Variants in C14orf39 observed in about 807,000 individuals in gnomAD.
C14orf39 encodes the protein protein SIX6OS1.
In C14orf39, 66 loss-of-function variants were observed where a neutral mutation model predicts 85.6. The observed-to-expected ratio is 0.77, with a 90% CI of 0.63 to 0.95. The LOEUF is 0.95. Ranked by LOEUF, C14orf39 falls within the 40% of genes least tolerant of loss-of-function variation. The pLI is 0.00. For synonymous variants in C14orf39, 242 were observed against 214.0 expected (o/e 1.13, Z -1.14); for missense variants, 735 against 663.9 (o/e 1.11, Z -1.18).
chr14:60,494,790 T>G (rs779740257), intron 2 of C14orf39: 1 of 152,476 alleles, frequency 6.6e-6, no homozygotes, highest in Non-Finnish European at 1.5e-5. Context: ...GAAGCCATCA[T>G]GTAGTTAGAG....
chr14:60,464,000 A>C (rs1891659699), intron 11 of C14orf39, among the ~76,000 whole-genome samples: 1 of 152,122 alleles, frequency 6.6e-6, no homozygotes, highest in Non-Finnish European at 1.5e-5. Context: ...AAACAAACAA[A>C]AAACCCTGTT....
rs181485800 is a variant in C14orf39 at position 60,483,041 on chromosome 14, T to C, written c.233+650A>G. On this transcript the variant is annotated intron_variant, in intron 4 of 17. Coordinates refer to ENST00000321731, the MANE Select transcript of C14orf39 (RefSeq NM_174978.3). ...CTATTTGCACCATATATGTGTATATTGCTTGAACATTTGTATTTGGTATAT... is the reference window on the plus strand; with the variant it reads ...CTATTTGCACCATATATGTGTATATCGCTTGAACATTTGTATTTGGTATAT... 3.6e-3 allele frequency among the ~76,000 whole-genome samples: 543 copies of C among 152,220 alleles called. 4 individuals are homozygous for C. The highest frequency in any genetic ancestry group is 0.012 in the African/African-American group (502 of 41,542).
At chr14:60,499,549 A>C (rs1893110923) in intron 1 of C14orf39, 1 of 152,240 alleles carries the variant, frequency 6.6e-6, no homozygotes, top group African/African-American at 2.4e-5. Flanking sequence ...TAAATCCAGA[A>C]GTATTAAGCA....
chr14:60,511,319 G>T lies in C14orf39; in HGVS notation c.-144+4076C>A, dbSNP rs546754462. On this transcript the variant is annotated intron_variant, in intron 1 of 5. Transcript: ENST00000556799. ...AACGAGAAAAACAAAATGAAAGAGG[G>T]GAAGAAGATGAGAGACCTGCAAATC... 92 of 1,539,326 alleles carry T rather than the reference G, an allele frequency of 6.0e-5. No homozygotes were observed. The African/African-American group carries it at 1.2e-3, about 20-fold the overall frequency.
At position 60,515,434 on chromosome 14, in the gene C14orf39, G is replaced by A. The variant is rs1021221875; in HGVS notation, c.-183C>T. ...GCCCCGCGAACTCGCGGACGTGTAG[G>A]CCTCGAGCCACTCCTACTGTTGGGC... On this transcript the variant is annotated 5_prime_UTR_variant, in exon 1 of 6. Transcript: ENST00000556799. The surrounding 1 kb of genome is among the most constrained non-coding windows in gnomAD (Gnocchi z 6.2). 2 of 151,970 alleles carry A rather than the reference G, an allele frequency of 1.3e-5. No individual in the cohort carries two copies. The highest frequency in any genetic ancestry group is 2.9e-5 in the Non-Finnish European group (2 of 67,986). 9.4% of individuals were successfully genotyped at this position (151,970 alleles called of 1,614,324 possible). A position where few individuals can be genotyped will look rare whatever the true frequency, so the allele number is the denominator to read the frequency against.
chr14:60,438,778 T>C (rs919918067), intron 17 of C14orf39, among the ~76,000 whole-genome samples: 1 of 152,000 alleles, frequency 6.6e-6, no homozygotes, highest in Non-Finnish European at 1.5e-5. Flanking sequence ...TAGAAAGAGA[T>C]AGAAGTTGGG....
chr14:60,463,923 G>C (rs1460791637), intron 11 of C14orf39, among the ~76,000 whole-genome samples: 1 of 152,058 alleles, frequency 6.6e-6, no homozygotes, highest in Non-Finnish European at 1.5e-5. Context: ...CTCTGTGGCA[G>C]AAACTGCCAT....
rs138008996 is a variant in C14orf39, at chr14:60,508,108, C to G, written c.-144+7287G>C. Reference sequence around the variant, plus strand: ...GGCTTAGGAAGTGCTTTCTGGGCCCCCGCATTGTCGTGGATGCCCTTCTGT... The same window carrying G: ...GGCTTAGGAAGTGCTTTCTGGGCCCGCGCATTGTCGTGGATGCCCTTCTGT... On this transcript the variant is annotated intron_variant, in intron 1 of 5. Transcript: ENST00000556799. Among the ~76,000 whole-genome samples the G allele has an allele frequency of 3.4e-3, 524 of 152,242 alleles. 3 individuals carry two copies. The highest frequency in any genetic ancestry group is 0.012 in the African/African-American group (489 of 41,538).
Position 60,461,375 on chromosome 14 carries a change from A to G in C14orf39, c.1096T>C (p.Trp366Arg). ...ATACCTTTATCCCCTTTTTCCGACCACTGATTGGAATTTGATTGTTTCTGT... is the reference window on the plus strand; with the variant it reads ...ATACCTTTATCCCCTTTTTCCGACCGCTGATTGGAATTTGATTGTTTCTGT... ...TPQKQSNSNQWSEKGDKDAEY... is the reference protein window; with the variant it reads ...TPQKQSNSNQRSEKGDKDAEY... Residue 366 changes from tryptophan to arginine, a missense_variant, in exon 13 of 18, where the codon TGG becomes CGG. Coordinates refer to ENST00000321731, the MANE Select transcript of C14orf39 (RefSeq NM_174978.3). 6.2e-7 allele frequency: 1 copy of G among 1,611,054 alleles called. No individual in the cohort carries two copies. The highest frequency in any genetic ancestry group is 8.5e-7 in the Non-Finnish European group (1 of 1,178,294).
chr14:60,436,844 C>T lies in C14orf39; in HGVS notation c.*1G>A. 3.1e-6 allele frequency: 5 copies of T among 1,587,570 alleles called. No homozygotes were observed. The highest frequency in any genetic ancestry group is 3.4e-6 in the Non-Finnish European group (4 of 1,161,304). On this transcript the variant is annotated 3_prime_UTR_variant, in exon 18 of 18. Transcript: ENST00000321731. ...AATAATTTAAGGAATTAATGACTAG[C>T]TCAAAAAAAAGTAAACTGTGTTGTA...
intron 5 of C14orf39, among the ~76,000 whole-genome samples, chr14:60,478,028 A>G (rs1038556823): frequency 1.3e-5 from 2 of 151,672 alleles, no homozygotes; most frequent in Non-Finnish European, 2.9e-5. Flanking sequence ...AAATACACAA[A>G]ATTAGCCGGG....
chr14:60,466,222 C>T (rs1158901842), intron 10 of C14orf39, among the ~76,000 whole-genome samples, 167 bp from the exon 11 acceptor site: 1 of 151,830 alleles, frequency 6.6e-6, no homozygotes, highest in Non-Finnish European at 1.5e-5. Context: ...TAATTCCTTA[C>T]TATATAATAG....
At chr14:60,444,940 A>G (rs1263266105) in intron 16 of C14orf39, among the ~76,000 whole-genome samples, 1 of 152,222 alleles carries the variant, frequency 6.6e-6, no homozygotes, top group Non-Finnish European at 1.5e-5. Context: ...AGAATTTTCA[A>G]GCCAGAATCT....
At chr14:60,460,685 A>ATG (rs1434133624) in intron 13 of C14orf39, among the ~76,000 whole-genome samples, 1 of 151,942 alleles carries the variant, frequency 6.6e-6, no homozygotes, top group African/African-American at 2.4e-5. Flanking sequence ...ATGTATACAC[A>ATG]TGTGTGTGTA....
chr14:60,456,846 C>G, intron 15 of C14orf39, 71 bp downstream of exon 15: 1 of 1,323,656 alleles, frequency 7.6e-7, no homozygotes, highest in Non-Finnish European at 1.0e-6. Flanking sequence ...AAGCATTTTA[C>G]TATTCCTATC....
At chr14:60,439,751 A>G (rs1890419641) in intron 17 of C14orf39, among the ~76,000 whole-genome samples, 1 of 152,202 alleles carries the variant, frequency 6.6e-6, no homozygotes, top group Non-Finnish European at 1.5e-5. Context: ...ACTGAAGTGA[A>G]TGAGTGTCAA....
intron 1 of C14orf39, chr14:60,511,442 C>G: frequency 1.5e-6 from 1 of 682,250 alleles, no homozygotes; most frequent in Non-Finnish European, 2.6e-6. Flanking sequence ...CGCCCTTTGG[C>G]CGCGACCACG....
intron 2 of C14orf39, among the ~76,000 whole-genome samples, chr14:60,492,644 G>T (rs1893008281): frequency 6.6e-6 from 1 of 151,802 alleles, no homozygotes; most frequent in African/African-American, 2.4e-5. Flanking sequence ...TTAGCTGTGT[G>T]TGCTGGTATG....
At chr14:60,500,361 A>G (rs1464852904) in intron 1 of C14orf39, among the ~76,000 whole-genome samples, 2 of 152,260 alleles carry the variant, frequency 1.3e-5, no homozygotes, top group African/African-American at 2.4e-5. Flanking sequence ...GGGTAGAAGT[A>G]AAAATTGGTA....
Sources: allele counts gnomAD v4.1 joint callset (sites outside exome capture counted in the v4.1 genomes callset), GRCh38; gene constraint gnomAD v4.1.1; non-coding constraint Gnocchi (gnomAD v3.1); transcripts MANE v1.5; gene names NCBI Gene and HGNC (gene_info 2026-07-23, HGNC 2026-07-21).